Variants in KLHL8 observed in about 807,000 individuals in gnomAD.
The protein encoded by KLHL8 is kelch-like protein 8.
KLHL8 carries 38 observed loss-of-function variants against 63.5 expected under a neutral mutation model. The observed-to-expected ratio is 0.60, with a 90% CI of 0.46 to 0.78. The LOEUF (loss-of-function observed/expected upper bound fraction) is 0.78, where lower values mean the gene tolerates loss of function less well. KLHL8 is among the 30% of genes least tolerant of loss of function. The pLI is 0.00. For missense variants in KLHL8, 566 were observed against 752.4 expected (o/e 0.75, Z 2.90); for synonymous variants, 224 against 254.3 (o/e 0.88, Z 1.13).
At chr4:87,214,625 T>C (rs11932935) in intron 1 of KLHL8, among the ~76,000 whole-genome samples, 4,712 of 151,744 alleles carry the variant, frequency 0.031, 255 homozygotes, top group African/African-American at 0.11. Flanking sequence ...GAGGATTCAA[T>C]AGAGACTTGC....
At position 87,183,391 on chromosome 4, in the gene KLHL8, T is replaced by C. The variant is rs1578372618; in HGVS notation, c.766-2A>G. The C allele has an allele frequency of 2.5e-6, 4 of 1,600,296 alleles. No individual in the cohort carries two copies. Among genetic ancestry groups the C allele is most frequent in the Non-Finnish European group, 3.4e-6 (4 of 1,170,474 alleles). On this transcript the variant is annotated splice_acceptor_variant, in intron 3 of 9. Coordinates refer to ENST00000273963, the MANE Select transcript of KLHL8 (RefSeq NM_020803.5). LOFTEE classifies it high-confidence loss of function. Reference sequence around the variant, plus strand: ...AACCGGCAACAATGGCAGGCGAACCTAAGATCATGAATAGTTGCAATACAA... The same window carrying C: ...AACCGGCAACAATGGCAGGCGAACCCAAGATCATGAATAGTTGCAATACAA...
chr4:87,222,875 C>G (rs148562882), upstream of KLHL8, among the ~76,000 whole-genome samples: 18 of 152,036 alleles, frequency 1.2e-4, 1 homozygote, highest in Non-Finnish European at 5.9e-5. Flanking sequence ...TGAGCCACCA[C>G]GCCCGGCCTA....
intron 1 of KLHL8, among the ~76,000 whole-genome samples, chr4:87,209,297 A>T (rs1732291106): frequency 6.6e-6 from 1 of 152,186 alleles, no homozygotes; most frequent in Non-Finnish European, 1.5e-5. Flanking sequence ...GAGGAAAAAA[A>T]TGGACATCCG....
At chr4:87,189,762 G>A (rs1292807266) in intron 2 of KLHL8, among the ~76,000 whole-genome samples, 1 of 152,000 alleles carries the variant, frequency 6.6e-6, no homozygotes, top group Non-Finnish European at 1.5e-5. Context: ...CGCAGCTCAC[G>A]CCTGTAATCC....
chr4:87,187,796 C>A (rs1014346683), intron 2 of KLHL8, among the ~76,000 whole-genome samples: 1 of 152,020 alleles, frequency 6.6e-6, no homozygotes, highest in Non-Finnish European at 1.5e-5. Context: ...GTATTTATCC[C>A]ATTTTCCCAG....
chr4:87,178,273 T>C (rs565455731), intron 5 of KLHL8, among the ~76,000 whole-genome samples: 18 of 152,214 alleles, frequency 1.2e-4, no homozygotes, highest in Non-Finnish European at 2.4e-4. Flanking sequence ...ACTCTTTATA[T>C]CTCTTTTCTC....
intron 2 of KLHL8, among the ~76,000 whole-genome samples, chr4:87,191,211 G>A (rs1432502325): frequency 6.6e-6 from 1 of 152,222 alleles, no homozygotes; most frequent in Non-Finnish European, 1.5e-5. Flanking sequence ...GCTCATGCCT[G>A]TAATCCCAGC....
chr4:87,167,095 T>C (rs1730432414), intron 8 of KLHL8: 2 of 403,874 alleles, frequency 5.0e-6, no homozygotes, highest in Non-Finnish European at 4.8e-6. Flanking sequence ...TTGGTGAGAG[T>C]TGGAAGAAGC....
At chr4:87,216,994 C>G (rs934533913) in intron 1 of KLHL8, among the ~76,000 whole-genome samples, 1 of 152,172 alleles carries the variant, frequency 6.6e-6, no homozygotes, top group Non-Finnish European at 1.5e-5. Context: ...CATGCTCACA[C>G]AGCCAATAAG....
At chr4:87,221,176 T>A (rs1332623565), upstream of KLHL8, 1 of 152,128 alleles carries the variant, frequency 6.6e-6, no homozygotes, top group Non-Finnish European at 1.5e-5. Flanking sequence ...GGCGGGCGCA[T>A]CACGAGGTCA....
intron 1 of KLHL8, among the ~76,000 whole-genome samples, chr4:87,206,365 A>G (rs966629417): frequency 1.3e-5 from 2 of 152,236 alleles, no homozygotes; most frequent in Admixed American, 6.5e-5. Flanking sequence ...AGCTCAGCTT[A>G]TCCTGGCATT....
intron 1 of KLHL8, among the ~76,000 whole-genome samples, chr4:87,201,933 C>CA (rs1047599491): frequency 6.6e-6 from 1 of 151,014 alleles, no homozygotes; most frequent in Non-Finnish European, 1.5e-5. Context: ...GTGCTTACAT[C>CA]AAAAAAAAGT....
chr4:87,170,409 T>C (rs1472915375), intron 7 of KLHL8, 38 bp downstream of exon 7: 5 of 1,565,150 alleles, frequency 3.2e-6, no homozygotes, highest in Non-Finnish European at 4.3e-6. Context: ...ATGAATGTAA[T>C]GCAATGTAAT....
At chr4:87,194,495 A>G (rs544520716) in intron 2 of KLHL8, among the ~76,000 whole-genome samples, 4 of 152,212 alleles carry the variant, frequency 2.6e-5, no homozygotes, top group Admixed American at 2.0e-4. Context: ...ACATAGCAAG[A>G]CCCCATCTCT....
At chr4:87,180,258 G>C (rs987188899) in intron 4 of KLHL8, among the ~76,000 whole-genome samples, 73 of 152,290 alleles carry the variant, frequency 4.8e-4, no homozygotes, top group African/African-American at 1.6e-3. Flanking sequence ...GTCTAAGGTA[G>C]GTTAAGACTG....
At chr4:87,187,892 T>C (rs192805906) in intron 2 of KLHL8, among the ~76,000 whole-genome samples, 57 of 152,342 alleles carry the variant, frequency 3.7e-4, no homozygotes, top group African/African-American at 1.3e-3. Context: ...GATTATATAA[T>C]AAACAGTTGT....
chr4:87,191,453 C>T (rs896112379), intron 2 of KLHL8, among the ~76,000 whole-genome samples: 2 of 152,112 alleles, frequency 1.3e-5, no homozygotes, highest in Non-Finnish European at 2.9e-5. Flanking sequence ...CAGAGCAAGA[C>T]CTTGTCTCAA....
intron 1 of KLHL8, among the ~76,000 whole-genome samples, chr4:87,233,078 C>T (rs1215600828): frequency 4.0e-5 from 6 of 151,856 alleles, no homozygotes; most frequent in Admixed American, 3.3e-4. Context: ...CTTGCTTTGT[C>T]GCCAAGGCTG....
intron 6 of KLHL8, among the ~76,000 whole-genome samples, chr4:87,172,037 C>G (rs1221334470): frequency 6.6e-6 from 1 of 152,176 alleles, no homozygotes; most frequent in Non-Finnish European, 1.5e-5. Flanking sequence ...TGACCTTCAT[C>G]CCCTGGTGTT....
Sources: allele counts gnomAD v4.1 joint callset (sites outside exome capture counted in the v4.1 genomes callset), GRCh38; gene constraint gnomAD v4.1.1; transcripts MANE v1.5; gene names NCBI Gene and HGNC (gene_info 2026-07-23, HGNC 2026-07-21).